DNAH5: variants seen among roughly 807,000 people sequenced by gnomAD.
DNAH5 encodes axonemal beta dynein heavy chain 5.
In DNAH5, 372 loss-of-function variants were observed where a neutral mutation model predicts 518.2. The ratio of observed to expected loss-of-function variants is 0.72; its 90% CI spans 0.66 to 0.78. The LOEUF (loss-of-function observed/expected upper bound fraction) is 0.78, where lower values mean the gene tolerates loss of function less well. Ranked by LOEUF, DNAH5 falls within the 30% of genes least tolerant of loss-of-function variation. The pLI, the probability that DNAH5 is intolerant of heterozygous loss-of-function variation, is 0.00. For synonymous variants in DNAH5, 2,039 were observed against 2,025.9 expected, an observed-to-expected ratio of 1.01 and a Z score of -0.17; for missense variants, 5,523 against 5,687.0, an observed-to-expected ratio of 0.97 and a Z score of 0.93.
At chr5:13,963,383 G>A (rs537196879) in intron 1 of DNAH5, among the ~76,000 whole-genome samples, 122 of 152,210 alleles carry the variant, frequency 8.0e-4, no homozygotes, top group African/African-American at 2.7e-3. Context: ...TTCGAGACCA[G>A]CCTGGCCAAC....
At chr5:14,002,504 GA>G (rs951271003) in intron 1 of DNAH5, among the ~76,000 whole-genome samples, 2 of 149,988 alleles carry the variant, frequency 1.3e-5, no homozygotes, top group African/African-American at 2.4e-5. Context: ...ACTTCAACGA[GA>G]AAAAAAAATG....
intron 2 of DNAH5, among the ~76,000 whole-genome samples, chr5:13,930,042 T>C (rs973028636): frequency 6.6e-6 from 1 of 152,180 alleles, no homozygotes; most frequent in Non-Finnish European, 1.5e-5. Flanking sequence ...AAACATTCAA[T>C]AAGTGTCAGC....
At chr5:13,988,073 G>C (rs987996197) in intron 1 of DNAH5, among the ~76,000 whole-genome samples, 6 of 152,074 alleles carry the variant, frequency 3.9e-5, no homozygotes, top group Non-Finnish European at 8.8e-5. Flanking sequence ...GTTCACTCCC[G>C]GGTCGCCTCC....
chr5:13,944,322 CA>C, intron 1 of DNAH5, 59 bp downstream of exon 1: 1 of 1,558,202 alleles, frequency 6.4e-7, no homozygotes, highest in Non-Finnish European at 8.9e-7. Context: ...TTTTTCCACC[CA>C]GGTGTGACAG....
intron 43 of DNAH5, among the ~76,000 whole-genome samples, chr5:13,814,326 G>C (rs1761135388): frequency 6.6e-6 from 1 of 152,166 alleles, no homozygotes; most frequent in Non-Finnish European, 1.5e-5. Context: ...TCAGTCCTCA[G>C]ACACAGTTTG....
rs143568184 is a variant in DNAH5, at chr5:13,736,416, C to T, written c.11456-484G>A. 7.5e-3 allele frequency among the ~76,000 whole-genome samples: 1,138 copies of T among 151,902 alleles called. 12 individuals carry two copies. The highest frequency in any genetic ancestry group is 0.011 in the African/African-American group (445 of 41,336). On this transcript the variant is annotated intron_variant, in intron 66 of 78. Transcript: ENST00000265104. Reference sequence around the variant, plus strand: ...AATTATTATTATTATTTTGTTGATACGGAGTTTTGCTCTTGTCCCCCAGGC... The same window carrying T: ...AATTATTATTATTATTTTGTTGATATGGAGTTTTGCTCTTGTCCCCCAGGC...
At chr5:14,003,551 C>G (rs1359677168) in intron 1 of DNAH5, among the ~76,000 whole-genome samples, 2 of 152,210 alleles carry the variant, frequency 1.3e-5, no homozygotes, top group East Asian at 1.9e-4. Context: ...CTGAGGCAGA[C>G]AGTGGTTCCA....
intron 1 of DNAH5, among the ~76,000 whole-genome samples, chr5:13,934,872 T>C (rs1221265744): frequency 6.6e-6 from 1 of 152,224 alleles, no homozygotes; most frequent in African/African-American, 2.4e-5. Context: ...GTTCATTCCA[T>C]AGACATCAAA....
intron 31 of DNAH5, 134 bp from the exon 32 acceptor site, chr5:13,845,127 A>C: frequency 5.0e-6 from 4 of 800,420 alleles, no homozygotes; most frequent in Non-Finnish European, 7.9e-6. Flanking sequence ...GTGACTTCTC[A>C]CTGTTTTTAA....
rs975626664 is a variant in DNAH5, at chr5:13,900,238, C to T, written c.2227G>A (p.Asp743Asn). ...PLATSLFQKR[D>N]RYKRNFSNMK... ...TTACTGAAGTTCCTTTTGTATCTAT[C>T]TCGTTTCTGGAAGAGGGAAGTTGCC... Residue 743 changes from aspartate (D) to asparagine (N), a missense_variant, in exon 15 of 79, where the codon GAT (aspartate) becomes AAT (asparagine). Coordinates refer to ENST00000265104, the MANE Select transcript of DNAH5 (RefSeq NM_001369.3). 1.2e-6 allele frequency: 2 copies of T among 1,613,950 alleles called. No individual in the cohort carries two copies. Among genetic ancestry groups the T allele is most frequent in the African/African-American group, 2.7e-5 (2 of 74,910 alleles).
intron 2 of DNAH5, among the ~76,000 whole-genome samples, chr5:13,928,500 A>G (rs933345872): frequency 2.6e-5 from 4 of 152,252 alleles, no homozygotes; most frequent in African/African-American, 9.6e-5. Flanking sequence ...AATAGAGATG[A>G]GTGCTTCAGT....
intron 24 of DNAH5, among the ~76,000 whole-genome samples, chr5:13,870,010 A>G (rs1769843050): frequency 6.6e-6 from 1 of 152,152 alleles, no homozygotes; most frequent in African/African-American, 2.4e-5. Context: ...TGATAATATT[A>G]TAACTAATAA....
intron 43 of DNAH5, 40 bp from the exon 44 acceptor site, chr5:13,811,863 GC>G (rs1561325874): frequency 1.2e-6 from 2 of 1,603,332 alleles, no homozygotes; most frequent in Admixed American, 3.3e-5. Flanking sequence ...AAACTTATTA[GC>G]ACACTAGGAA....
Position 13,737,646 on chromosome 5 carries a change from C to T in DNAH5, c.11212-151G>A, listed in dbSNP as rs537109222. The T allele has an allele frequency of 4.0e-5, 35 of 867,918 alleles. No individual in the cohort carries two copies. The African/African-American group carries it at 4.6e-4, about 11-fold the overall frequency. 53.8% of individuals were successfully genotyped at this position (867,918 alleles called of 1,614,324 possible). On this transcript the variant is annotated intron_variant, in intron 65 of 78. Coordinates refer to ENST00000265104, the MANE Select transcript of DNAH5 (RefSeq NM_001369.3). ...AATATGGACATCAAAAAAGAAGGGC[C>T]GGGCGCAGGGGCTCACACCTGTAAT...
At chr5:13,921,184 T>C (rs777021120) in intron 5 of DNAH5, among the ~76,000 whole-genome samples, 11 of 152,122 alleles carry the variant, frequency 7.2e-5, no homozygotes, top group African/African-American at 2.7e-4. Flanking sequence ...ACAAATATAA[T>C]TTGGGTGTTA....
rs1474955757 is a variant in DNAH5, at chr5:13,919,137, T to C, written c.975+39A>G. 4 of 1,613,560 alleles carry C rather than the reference T, an allele frequency of 2.5e-6. No individual in the cohort carries two copies. The East Asian group carries it at 6.7e-5, about 27-fold the overall frequency. ...CTTGAAAATATGCATAGAGAACTCT[T>C]ATTCCCATTTCACAAGGCAAAATGA... On this transcript the variant is annotated intron_variant, in intron 7 of 78. Transcript: ENST00000265104.
chr5:13,883,597 C>T (rs749862306), intron 19 of DNAH5, among the ~76,000 whole-genome samples: 28 of 152,184 alleles, frequency 1.8e-4, no homozygotes, highest in African/African-American at 4.8e-5. Flanking sequence ...AAGTGTAATT[C>T]GCCATTCATA....
chr5:13,842,483 G>GAA (rs78049687), intron 32 of DNAH5, among the ~76,000 whole-genome samples: 20,562 of 78,268 alleles, frequency 0.26, 5,471 homozygotes, highest in East Asian at 0.56. Flanking sequence ...AAGAAAGAAA[G>GAA]AGAAAGAAAA....
intron 1 of DNAH5, among the ~76,000 whole-genome samples, chr5:14,000,310 G>A (rs890303993): frequency 6.6e-6 from 1 of 152,224 alleles, no homozygotes; most frequent in South Asian, 2.1e-4. Flanking sequence ...GGGCCGCCAG[G>A]AGCTGGGAGC....
Sources: gnomAD v4.1 joint callset for allele counts (sites outside exome capture counted in the v4.1 genomes callset) on GRCh38, gnomAD v4.1.1 for gene constraint, MANE v1.5 for transcripts, NCBI Gene and HGNC (gene_info 2026-07-23, HGNC 2026-07-21) for gene names.